The following CDH13 variants were observed in gnomAD, a reference collection of about 807,000 sequenced individuals.
The protein encoded by CDH13 is cadherin-13.
A neutral mutation model predicts 63.8 loss-of-function variants in CDH13; 24 were observed. The ratio of observed to expected loss-of-function variants is 0.38; its 90% confidence interval spans 0.27 to 0.53. The LOEUF (loss-of-function observed/expected upper bound fraction) is 0.53, where lower values mean the gene tolerates loss of function less well. Ranked by LOEUF, CDH13 falls within the 20% of genes least tolerant of loss-of-function variation. The pLI is 0.85. For synonymous variants in CDH13, 503 were observed against 355.3 expected (o/e 1.42, Z -4.67); for missense variants, 1,049 against 903.1 (o/e 1.16, Z -2.07).
chr16:83,107,791 C>A (rs988462157), intron 3 of CDH13, among the ~76,000 whole-genome samples: 1 of 147,556 alleles, frequency 6.8e-6, no homozygotes, highest in Non-Finnish European at 1.5e-5. Flanking sequence ...TGTCCCTCCT[C>A]TTTTCTTTTC....
At chr16:82,996,786 GT>G (rs1912249610) in intron 2 of CDH13, among the ~76,000 whole-genome samples, 1 of 151,880 alleles carries the variant, frequency 6.6e-6, no homozygotes, top group South Asian at 2.1e-4. Context: ...GATGGTGATG[GT>G]GGGGGTAATG....
At chr16:83,451,202 A>C (rs1351963610) in intron 6 of CDH13, among the ~76,000 whole-genome samples, 8 of 152,198 alleles carry the variant, frequency 5.3e-5, no homozygotes. Flanking sequence ...CAATTTATAA[A>C]GGAAAGAAGT....
chr16:83,789,555 G>T (rs994673219), intron 13 of CDH13, among the ~76,000 whole-genome samples: 1 of 151,944 alleles, frequency 6.6e-6, no homozygotes, highest in African/African-American at 2.4e-5. Context: ...CGCCATGTTG[G>T]CCAGGCTGGT....
At chr16:83,713,787 C>T (rs1372858438) in intron 10 of CDH13, among the ~76,000 whole-genome samples, 1 of 152,168 alleles carries the variant, frequency 6.6e-6, no homozygotes, top group Admixed American at 6.5e-5. Context: ...CCAATCAAAA[C>T]AGTCCATGCC....
chr16:83,744,291 T>C lies in CDH13; in HGVS notation c.1539-3817T>C, dbSNP rs921892504. ...CGCACAGACCTAGTGAGGTGATTAA[T>C]TCTACTGGGAAAGTCACACTGGATG... On this transcript the variant is annotated intron_variant, in intron 10 of 13. Transcript: ENST00000567109. 3.9e-5 allele frequency among the ~76,000 whole-genome samples: 6 copies of C among 152,180 alleles called. No homozygotes were observed. The East Asian group carries it at 9.6e-4, about 24-fold the overall frequency.
chr16:83,680,010 G>A (rs571206233), intron 10 of CDH13, among the ~76,000 whole-genome samples: 72 of 152,282 alleles, frequency 4.7e-4, no homozygotes, highest in African/African-American at 1.7e-3. Flanking sequence ...GGTCAGGCTG[G>A]GTTGTTTGAT....
intron 1 of CDH13, among the ~76,000 whole-genome samples, chr16:82,669,344 C>T (rs1307034412): frequency 1.3e-5 from 2 of 152,212 alleles, no homozygotes; most frequent in African/African-American, 2.4e-5. Context: ...ATTACCCTAT[C>T]AAGCTTATAG....
intron 5 of CDH13, among the ~76,000 whole-genome samples, chr16:83,277,916 T>G (rs1247538901): frequency 6.6e-6 from 1 of 152,172 alleles, no homozygotes; most frequent in East Asian, 1.9e-4. Context: ...ACAAACTAAA[T>G]AAATGTATTT....
chr16:82,751,804 T>C (rs2034428635), intron 1 of CDH13, among the ~76,000 whole-genome samples: 2 of 152,114 alleles, frequency 1.3e-5, no homozygotes, highest in Non-Finnish European at 2.9e-5. Context: ...TCTGGTTACA[T>C]ACAGCCTTTA....
At chr16:82,941,920 C>T (rs958743660) in intron 2 of CDH13, among the ~76,000 whole-genome samples, 1 of 152,194 alleles carries the variant, frequency 6.6e-6, no homozygotes, top group Admixed American at 6.5e-5. Flanking sequence ...AGTGGTAATT[C>T]AAGGAGTTCT....
At chr16:83,168,104 C>G (rs1250730214) in intron 4 of CDH13, among the ~76,000 whole-genome samples, 1 of 151,844 alleles carries the variant, frequency 6.6e-6, no homozygotes, top group East Asian at 1.9e-4. Context: ...GCTGTGCTAG[C>G]TAGGTGACAG....
At chr16:83,139,610 T>C (rs558126390) in intron 4 of CDH13, among the ~76,000 whole-genome samples, 1 of 152,262 alleles carries the variant, frequency 6.6e-6, no homozygotes, top group Non-Finnish European at 1.5e-5. Flanking sequence ...GAAATACATC[T>C]GTTTTTTCCT....
chr16:83,411,781 T>G (rs190817844), intron 6 of CDH13, among the ~76,000 whole-genome samples: 3 of 152,278 alleles, frequency 2.0e-5, no homozygotes, highest in Admixed American at 1.3e-4. Flanking sequence ...CAGGAAGTAA[T>G]ATACAAGGGT....
chr16:83,628,852 G>T (rs1910544473), intron 8 of CDH13, among the ~76,000 whole-genome samples: 1 of 152,056 alleles, frequency 6.6e-6, no homozygotes, highest in Non-Finnish European at 1.5e-5. Flanking sequence ...GCTTTCTGTG[G>T]GTTTTAAACT....
At chr16:83,729,285 G>A (rs1449958578) in intron 10 of CDH13, among the ~76,000 whole-genome samples, 3 of 152,032 alleles carry the variant, frequency 2.0e-5, no homozygotes, top group Non-Finnish European at 4.4e-5. Flanking sequence ...ATACATATGT[G>A]TATGTATATA....
At chr16:82,787,318 T>A (rs753429365) in intron 1 of CDH13, among the ~76,000 whole-genome samples, 19 of 152,176 alleles carry the variant, frequency 1.2e-4, no homozygotes, top group African/African-American at 4.6e-4. Flanking sequence ...CAAACAACTT[T>A]CCCTAACAAA....
chr16:83,651,593 T>C (rs1339794941), intron 8 of CDH13, among the ~76,000 whole-genome samples: 4 of 137,524 alleles, frequency 2.9e-5, no homozygotes, highest in Non-Finnish European at 6.3e-5. Flanking sequence ...TTCCTCTTTT[T>C]TTTTTTTTTT....
chr16:82,978,016 A>C (rs1297068183), intron 2 of CDH13, among the ~76,000 whole-genome samples: 1 of 152,126 alleles, frequency 6.6e-6, no homozygotes, highest in African/African-American at 2.4e-5. Context: ...ACTGGAGCAA[A>C]GGTGACTCTC....
intron 1 of CDH13, among the ~76,000 whole-genome samples, chr16:82,646,884 G>T (rs191384887): frequency 2.0e-5 from 3 of 152,192 alleles, no homozygotes; most frequent in African/African-American, 7.2e-5. Flanking sequence ...CTCACAGCAC[G>T]TTCAGGGGGT....
Sources: gnomAD v4.1 joint callset for allele counts (sites outside exome capture counted in the v4.1 genomes callset) on GRCh38, gnomAD v4.1.1 for gene constraint, MANE v1.5 for transcripts, NCBI Gene and HGNC (gene_info 2026-07-23, HGNC 2026-07-21) for gene names.